Variants in SPMIP2 observed in about 807,000 individuals in gnomAD.
SPMIP2 encodes the protein protein SPMIP2.
chr4:159,022,013 T>G, the SPMIP2 span, among the ~76,000 whole-genome samples: 3 of 152,230 alleles, frequency 2.0e-5, no homozygotes, highest in Non-Finnish European at 4.4e-5. Flanking sequence ...TTTTAACTTC[T>G]TTATTCAGCC....
chr4:158,994,799 G>A, the SPMIP2 span, among the ~76,000 whole-genome samples: 31 of 152,098 alleles, frequency 2.0e-4, no homozygotes, highest in African/African-American at 7.5e-4. Context: ...TGTGCACATA[G>A]GGGGAAGAAA....
chr4:159,007,629 C>A, the SPMIP2 span: 2 of 931,692 alleles, frequency 2.1e-6, no homozygotes, highest in South Asian at 1.3e-5. Flanking sequence ...CTCAGAACGT[C>A]GGGATGCTGT....
chr4:159,020,276 G>A, the SPMIP2 span, among the ~76,000 whole-genome samples: 1 of 152,218 alleles, frequency 6.6e-6, no homozygotes, highest in African/African-American at 2.4e-5. Flanking sequence ...GCTATGGAGA[G>A]ATGGGTAGGG....
the SPMIP2 span, among the ~76,000 whole-genome samples, chr4:158,915,569 C>A: frequency 2.0e-5 from 3 of 152,158 alleles, no homozygotes; most frequent in African/African-American, 7.2e-5. Flanking sequence ...AAAGAACCAC[C>A]CCCAAGATGG....
chr4:158,914,912 C>T, the SPMIP2 span, among the ~76,000 whole-genome samples: 1 of 152,202 alleles, frequency 6.6e-6, no homozygotes, highest in Non-Finnish European at 1.5e-5. Context: ...TCGCCATTCT[C>T]TCAAGGTTAA....
the SPMIP2 span, among the ~76,000 whole-genome samples, chr4:159,034,037 T>G: frequency 2.0e-5 from 3 of 152,162 alleles, no homozygotes; most frequent in Non-Finnish European, 2.9e-5. Context: ...CTCGGGAGAC[T>G]GAGGCAGGAG....
the SPMIP2 span, among the ~76,000 whole-genome samples, chr4:158,925,628 G>A: frequency 6.6e-6 from 1 of 152,136 alleles, no homozygotes; most frequent in African/African-American, 2.4e-5. Context: ...TTCACAAAAG[G>A]GTTCACAGTC....
At chr4:159,068,890 G>A in the SPMIP2 span, among the ~76,000 whole-genome samples, 1 of 152,152 alleles carries the variant, frequency 6.6e-6, no homozygotes, top group African/African-American at 2.4e-5. Context: ...TCCACTTGAA[G>A]TAAAGTAGAT....
the SPMIP2 span, among the ~76,000 whole-genome samples, chr4:158,984,554 G>C: frequency 6.6e-6 from 1 of 151,738 alleles, no homozygotes; most frequent in Admixed American, 6.6e-5. Context: ...ACGAAACCAA[G>C]GCAGAAATAA....
chr4:158,916,502 C>T, the SPMIP2 span, among the ~76,000 whole-genome samples: 8 of 152,276 alleles, frequency 5.3e-5, no homozygotes, highest in East Asian at 1.5e-3. Flanking sequence ...CTGTCTCCAG[C>T]AGACCCTCCC....
the SPMIP2 span, among the ~76,000 whole-genome samples, chr4:158,901,337 G>A: frequency 6.6e-6 from 1 of 152,050 alleles, no homozygotes; most frequent in African/African-American, 2.4e-5. Flanking sequence ...CTTCTGGCTT[G>A]TAGGGTTTCT....
At chr4:159,081,468 T>C in the SPMIP2 span, among the ~76,000 whole-genome samples, 20 of 151,928 alleles carry the variant, frequency 1.3e-4, no homozygotes, top group African/African-American at 1.7e-4. Context: ...GGCAGGAGGA[T>C]TGCTTAGGCT....
chr4:159,027,610 G>C, the SPMIP2 span, among the ~76,000 whole-genome samples: 1 of 152,160 alleles, frequency 6.6e-6, no homozygotes, highest in Non-Finnish European at 1.5e-5. Flanking sequence ...GGATTATAGT[G>C]CTGGGACTTA....
At chr4:159,070,888 G>T in the SPMIP2 span, among the ~76,000 whole-genome samples, 1 of 152,148 alleles carries the variant, frequency 6.6e-6, no homozygotes, top group East Asian at 1.9e-4. Context: ...TGCCAGGCGA[G>T]AACTCATCCT....
chr4:159,007,664 T>C, the SPMIP2 span: 1 of 738,580 alleles, frequency 1.4e-6, no homozygotes, highest in Non-Finnish European at 2.3e-6. Flanking sequence ...AGGAGACTCA[T>C]GTAATGGACT....
the SPMIP2 span, among the ~76,000 whole-genome samples, chr4:159,033,083 G>A: frequency 6.6e-6 from 1 of 152,230 alleles, no homozygotes; most frequent in African/African-American, 2.4e-5. Context: ...AACAAATTGT[G>A]ACACATCCAC....
At chr4:158,906,317 G>C in the SPMIP2 span, 9 of 152,172 alleles carry the variant, frequency 5.9e-5, no homozygotes, top group African/African-American at 2.2e-4. Flanking sequence ...AGCTTTTACA[G>C]TTTAAAGCAT....
the SPMIP2 span, among the ~76,000 whole-genome samples, chr4:158,951,793 T>G: frequency 6.6e-6 from 1 of 152,214 alleles, no homozygotes; most frequent in African/African-American, 2.4e-5. Flanking sequence ...TTTCCCTAAC[T>G]AGGTGACTAG....
the SPMIP2 span, among the ~76,000 whole-genome samples, chr4:158,981,772 T>C: frequency 1.1e-5 from 1 of 94,134 alleles, no homozygotes; most frequent in African/African-American, 4.4e-5. Flanking sequence ...GTAAAGACCA[T>C]CAACACTATG....
Sources: gnomAD v4.1 joint callset for allele counts (sites outside exome capture counted in the v4.1 genomes callset) on GRCh38, gnomAD v4.1.1 for gene constraint, MANE v1.5 for transcripts, NCBI Gene and HGNC (gene_info 2026-07-23, HGNC 2026-07-21) for gene names.